Variants in TCAIM observed in about 807,000 individuals in gnomAD.
TCAIM encodes the protein T-cell activation inhibitor, mitochondrial.
TCAIM carries 36 observed loss-of-function variants against 58.6 expected under a neutral mutation model. The observed-to-expected ratio is 0.61, with a 90% confidence interval of 0.47 to 0.81. The LOEUF is 0.81. TCAIM is among the 30% of genes least tolerant of loss of function. TCAIM has a pLI of 0.00. For synonymous variants in TCAIM, 172 were observed against 193.6 expected, an observed-to-expected ratio of 0.89 and a Z score of 0.93; for missense variants, 466 against 579.6, an observed-to-expected ratio of 0.80 and a Z score of 2.01.
Position 44,387,495 on chromosome 3 carries a change from C to T in TCAIM, c.573-5360C>T, listed in dbSNP as rs143335908. ...GTTTCCAAGCTTCCAGGAACCACCA[C>T]GTTCCTCAGTTCCCACAGTGGTACA... On this transcript the variant is annotated intron_variant, in intron 5 of 10. Coordinates refer to ENST00000342649, the MANE Select transcript of TCAIM (RefSeq NM_173826.4). Among the ~76,000 whole-genome samples the T allele has an allele frequency of 5.6e-3, 852 of 152,370 alleles. 8 individuals carry two copies. The highest frequency in any genetic ancestry group is 7.2e-3 in the Non-Finnish European group (491 of 68,028).
intron 1 of TCAIM, among the ~76,000 whole-genome samples, chr3:44,351,131 G>A (rs557710135): frequency 7.2e-5 from 11 of 152,276 alleles, no homozygotes; most frequent in African/African-American, 2.6e-4. Context: ...TGGGACTACA[G>A]ACATGCACCA....
At chr3:44,389,939 T>C (rs752746467) in intron 5 of TCAIM, among the ~76,000 whole-genome samples, 8 of 152,208 alleles carry the variant, frequency 5.3e-5, no homozygotes, top group Non-Finnish European at 8.8e-5. Context: ...TGCACTAATA[T>C]GATTGACATG....
intron 4 of TCAIM, among the ~76,000 whole-genome samples, chr3:44,365,937 A>G (rs772314571): frequency 6.6e-6 from 1 of 152,236 alleles, no homozygotes; most frequent in African/African-American, 2.4e-5. Flanking sequence ...AAAGATGGTA[A>G]AGTTGTATGC....
intron 10 of TCAIM, among the ~76,000 whole-genome samples, chr3:44,405,574 G>C (rs1702087108): frequency 6.6e-6 from 1 of 152,110 alleles, no homozygotes; most frequent in South Asian, 2.1e-4. Flanking sequence ...TTGGGAAGCT[G>C]AGGCAGGAGG....
chr3:44,405,907 A>C (rs1490807863), intron 10 of TCAIM, among the ~76,000 whole-genome samples: 1 of 146,140 alleles, frequency 6.8e-6, no homozygotes, highest in African/African-American at 2.5e-5. Context: ...AGCCAAGATC[A>C]CGCCACTGCA....
intron 5 of TCAIM, among the ~76,000 whole-genome samples, chr3:44,369,173 A>AACTGGAAGAGAAGTTCTC (rs1701425188): frequency 6.6e-6 from 1 of 152,196 alleles, no homozygotes; most frequent in South Asian, 2.1e-4. Context: ...TCTGAGCACA[A>AACTGGAAGAGAAGTTCTC]ACTGGAAGAG....
At chr3:44,398,183 T>C (rs1022770711) in intron 8 of TCAIM, among the ~76,000 whole-genome samples, 10 of 152,062 alleles carry the variant, frequency 6.6e-5, no homozygotes, top group Admixed American at 4.6e-4. Flanking sequence ...CCCAGTACTT[T>C]TGGAGGCCAA....
chr3:44,404,387 T>G (rs1702067991), intron 10 of TCAIM, among the ~76,000 whole-genome samples: 2 of 152,184 alleles, frequency 1.3e-5, no homozygotes, highest in South Asian at 4.1e-4. Context: ...CTGGGATGGG[T>G]GCCTGGCACA....
At chr3:44,341,337 G>T (rs1320796300) in intron 1 of TCAIM, 1 of 152,118 alleles carries the variant, frequency 6.6e-6, no homozygotes, top group Non-Finnish European at 1.5e-5. Context: ...TTTTTATTTT[G>T]AAGAGAGAAA....
Position 44,338,837 on chromosome 3 carries a change from A to T in TCAIM, c.-45+3A>T, listed in dbSNP as rs1241255493. On this transcript the variant is annotated splice_donor_region_variant and intron_variant, in intron 1 of 10. Transcript: ENST00000342649. The stretch of plus-strand genomic sequence containing the variant: ...CGCGTCGGACCCTTGCCAGAACTGT[A>T]AGGAGCAAGAGGGGAGGGGCTCCGG... 6.6e-6 allele frequency: 1 copy of T among 152,248 alleles called. No individual in the cohort carries two copies. The highest frequency in any genetic ancestry group is 2.4e-5 in the African/African-American group (1 of 41,416). 9.4% of individuals were successfully genotyped at this position (152,248 alleles called of 1,614,324 possible).
intron 5 of TCAIM, among the ~76,000 whole-genome samples, chr3:44,391,739 G>A (rs376372919): frequency 3.9e-5 from 6 of 152,116 alleles, no homozygotes; most frequent in Admixed American, 2.0e-4. Flanking sequence ...CAGTCGGAGG[G>A]ACTAGGTTAC....
At chr3:44,401,038 G>T in intron 9 of TCAIM, 165 bp from the exon 10 acceptor site, 2 of 980,500 alleles carry the variant, frequency 2.0e-6, no homozygotes, top group Non-Finnish European at 2.9e-6. Context: ...TTCTGAAGAA[G>T]TGTGTCTTTG....
chr3:44,367,413 A>G lies in TCAIM; in HGVS notation c.320-43A>G. The G allele has an allele frequency of 2.0e-6, 3 of 1,536,634 alleles. No homozygotes were observed. In the South Asian group the frequency reaches 3.9e-5, roughly 20 times the overall value. On this transcript the variant is annotated intron_variant, in intron 4 of 10. Transcript: ENST00000342649. ...TTTTATATATGTTGAAATAAAGCAA[A>G]TAATCATCTGTATTAATTGTTTGGG...
At chr3:44,386,551 G>T (rs930551383) in intron 5 of TCAIM, among the ~76,000 whole-genome samples, 1 of 152,204 alleles carries the variant, frequency 6.6e-6, no homozygotes, top group Non-Finnish European at 1.5e-5. Context: ...GGCTCTCAGG[G>T]GCCTGGGAAC....
At chr3:44,368,411 G>A (rs1701414329) in intron 5 of TCAIM, among the ~76,000 whole-genome samples, 1 of 152,146 alleles carries the variant, frequency 6.6e-6, no homozygotes, top group Admixed American at 6.5e-5. Context: ...TTATCCACTG[G>A]CATAATATCT....
chr3:44,342,999 C>T (rs1982814), intron 1 of TCAIM, among the ~76,000 whole-genome samples: 129,529 of 151,860 alleles, frequency 0.85, 55,296 homozygotes, highest in Middle Eastern at 0.91. Context: ...TCGCTGGGTG[C>T]GGTGGCAGGC....
intron 1 of TCAIM, among the ~76,000 whole-genome samples, chr3:44,347,473 G>A (rs1479638347): frequency 6.6e-6 from 1 of 152,188 alleles, no homozygotes; most frequent in East Asian, 1.9e-4. Context: ...AAGGGGCTGG[G>A]AGGAGGAGTG....
At chr3:44,350,614 C>G (rs1361057909) in intron 1 of TCAIM, among the ~76,000 whole-genome samples, 1 of 152,014 alleles carries the variant, frequency 6.6e-6, no homozygotes, top group Non-Finnish European at 1.5e-5. Context: ...TTTTTAGAGA[C>G]AGAGTCTCAC....
chr3:44,392,784 ATG>A, intron 5 of TCAIM, 69 bp from the exon 6 acceptor site: 2 of 1,419,086 alleles, frequency 1.4e-6, no homozygotes, highest in Non-Finnish European at 1.9e-6. Flanking sequence ...AAGTGCATGC[ATG>A]TGTCTTTTAA....
Sources: allele counts gnomAD v4.1 joint callset (sites outside exome capture counted in the v4.1 genomes callset), GRCh38; gene constraint gnomAD v4.1.1; transcripts MANE v1.5; gene names NCBI Gene and HGNC (gene_info 2026-07-23, HGNC 2026-07-21).